Variants in PDE10A observed in about 807,000 individuals in gnomAD.
PDE10A encodes phosphodiesterase 10A, also known as cAMP and cAMP-inhibited cGMP 3',5'-cyclic phosphodiesterase 10A.
PDE10A carries 39 observed loss-of-function variants against 97.7 expected under a neutral mutation model. That is an observed-to-expected ratio of 0.40 (90% CI 0.31 to 0.52). The LOEUF is 0.52. Among genes scored for constraint, PDE10A ranks in the 20% least tolerant of loss-of-function variants. The pLI is 0.56. For missense variants in PDE10A, 731 were observed against 1,047.8 expected (o/e 0.70, Z 4.17); for synonymous variants, 371 against 376.8 (o/e 0.98, Z 0.18).
rs143276157 is a variant in PDE10A, at chr6:165,715,996, C to T, written c.-614-172428G>A. On this transcript the variant is annotated intron_variant, in intron 1 of 19. Coordinates refer to the PDE10A transcript ENST00000366882. ...TTTTTGCCCACGGAAGCCTCCCCTC[C>T]GGCTCCTGCACTAAAGTGCCCCTTA... Among the ~76,000 whole-genome samples the T allele has an allele frequency of 2.5e-3, 383 of 152,270 alleles. 4 individuals are homozygous for T. Among genetic ancestry groups the T allele is most frequent in the Non-Finnish European group, 8.1e-4 (55 of 68,018 alleles).
At chr6:165,628,207 A>G (rs979339422) in intron 1 of PDE10A, among the ~76,000 whole-genome samples, 1 of 152,226 alleles carries the variant, frequency 6.6e-6, no homozygotes, top group African/African-American at 2.4e-5. Flanking sequence ...TTTCTCTGAC[A>G]TGTATTTTCT....
chr6:165,849,120 C>T (rs567033673), intron 1 of PDE10A, among the ~76,000 whole-genome samples: 11 of 152,342 alleles, frequency 7.2e-5, no homozygotes, highest in Non-Finnish European at 1.2e-4. Flanking sequence ...AATTCTAATA[C>T]ATAAATTTTC....
At chr6:165,346,460 TC>T (rs1235563042) in intron 18 of PDE10A, among the ~76,000 whole-genome samples, 2 of 152,176 alleles carry the variant, frequency 1.3e-5, no homozygotes, top group African/African-American at 4.8e-5. Flanking sequence ...TTATCCCAGA[TC>T]AAGTGGAGCA....
Position 165,694,743 on chromosome 6 carries a change from A to T in PDE10A, c.-614-151175T>A, listed in dbSNP as rs138364693. Among the ~76,000 whole-genome samples, 763 of 152,358 alleles carry T rather than the reference A, an allele frequency of 5.0e-3. 11 individuals carry two copies. Among genetic ancestry groups the T allele is most frequent in the African/African-American group, 0.018 (729 of 41,594 alleles). ...CCAGTAGCTTTTGTTTTATTTTTAA[A>T]TTATCTGGGACAGAGGATAGATGAG... On this transcript the variant is annotated intron_variant, in intron 1 of 19. Transcript: ENST00000366882.
Position 165,479,342 on chromosome 6 carries a change from C to T in PDE10A, c.1023+2973G>A, listed in dbSNP as rs78640871. ...CTAGAAGACCTAAATACCCCCAATT[C>T]CATTCCAACCTTATTTCTTACTGGT... On this transcript the variant is annotated intron_variant, in intron 3 of 21. Coordinates refer to ENST00000539869, the MANE Select transcript of PDE10A (RefSeq NM_001385079.1). Among the ~76,000 whole-genome samples the T allele has an allele frequency of 1.1e-3, 164 of 152,244 alleles. 5 individuals are homozygous for T. In the East Asian group the frequency reaches 0.023, roughly 21 times the overall value.
intron 1 of PDE10A, among the ~76,000 whole-genome samples, chr6:165,936,658 G>T (rs563526352): frequency 1.3e-5 from 2 of 152,182 alleles, no homozygotes; most frequent in Non-Finnish European, 2.9e-5. Flanking sequence ...CCTGTGAAAC[G>T]AAAGGAGAGA....
At chr6:165,688,151 T>A (rs1791173524) in intron 1 of PDE10A, among the ~76,000 whole-genome samples, 1 of 152,226 alleles carries the variant, frequency 6.6e-6, no homozygotes, top group Admixed American at 6.5e-5. Flanking sequence ...CAAGGAGTTA[T>A]GTCCACCCTC....
chr6:165,710,948 C>A (rs756437034), intron 1 of PDE10A, among the ~76,000 whole-genome samples: 50 of 152,202 alleles, frequency 3.3e-4, no homozygotes, highest in Non-Finnish European at 8.8e-5. Flanking sequence ...GGCTAAGAGC[C>A]GTAAGAGAAT....
chr6:165,528,526 C>T (rs1471842037), intron 2 of PDE10A, among the ~76,000 whole-genome samples: 1 of 152,142 alleles, frequency 6.6e-6, no homozygotes, highest in Non-Finnish European at 1.5e-5. Flanking sequence ...TTATATTGGG[C>T]CTCTTCCATC....
chr6:165,921,267 G>T (rs780687840), intron 1 of PDE10A, among the ~76,000 whole-genome samples: 1 of 152,210 alleles, frequency 6.6e-6, no homozygotes, highest in Admixed American at 6.5e-5. Flanking sequence ...GGAGGAATGT[G>T]CATCTTAGAT....
At chr6:165,469,042 C>A (rs1778832018) in intron 3 of PDE10A, among the ~76,000 whole-genome samples, 1 of 152,102 alleles carries the variant, frequency 6.6e-6, no homozygotes, top group African/African-American at 2.4e-5. Context: ...TGTTTAGTTC[C>A]CACTTTTAAC....
chr6:165,412,313 A>T (rs1253335258), intron 13 of PDE10A, among the ~76,000 whole-genome samples: 2 of 152,168 alleles, frequency 1.3e-5, no homozygotes, highest in Non-Finnish European at 1.5e-5. Context: ...GTGTTTTTTA[A>T]TATATTATAA....
At chr6:165,747,479 TG>T (rs2128454874) in intron 1 of PDE10A, among the ~76,000 whole-genome samples, 1 of 152,250 alleles carries the variant, frequency 6.6e-6, no homozygotes, top group East Asian at 1.9e-4. Flanking sequence ...ATTTTATAGA[TG>T]AAGAAAATGA....
chr6:165,352,530 A>G (rs1458442412), intron 18 of PDE10A, among the ~76,000 whole-genome samples: 1 of 152,300 alleles, frequency 6.6e-6, no homozygotes, highest in Middle Eastern at 3.4e-3. Context: ...TGATCCATTA[A>G]AAGTATAAAA....
intron 9 of PDE10A, among the ~76,000 whole-genome samples, chr6:165,429,606 C>G (rs767855274): frequency 4.6e-5 from 7 of 151,998 alleles, no homozygotes; most frequent in Non-Finnish European, 7.4e-5. Flanking sequence ...AGAGGAAAAA[C>G]TACATTATTC....
intron 1 of PDE10A, among the ~76,000 whole-genome samples, chr6:165,764,853 G>T (rs1777785385): frequency 6.6e-6 from 1 of 152,190 alleles, no homozygotes; most frequent in African/African-American, 2.4e-5. Flanking sequence ...GGCTCGGGCA[G>T]CCTGCTTTTA....
chr6:165,810,122 G>A (rs1243998429), intron 1 of PDE10A, among the ~76,000 whole-genome samples: 2 of 152,138 alleles, frequency 1.3e-5, no homozygotes, highest in Non-Finnish European at 2.9e-5. Flanking sequence ...GACTTGGCAA[G>A]CCAGGTGGTT....
At chr6:165,867,230 G>GAAAAAAAA (rs35066433) in intron 1 of PDE10A, among the ~76,000 whole-genome samples, 1 of 137,278 alleles carries the variant, frequency 7.3e-6, no homozygotes, top group Non-Finnish European at 1.6e-5. Flanking sequence ...AGACTGAATG[G>GAAAAAAAA]AAAAAAAAAA....
At chr6:165,371,097 T>C (rs1237963034) in intron 18 of PDE10A, among the ~76,000 whole-genome samples, 1 of 149,936 alleles carries the variant, frequency 6.7e-6, no homozygotes, top group Non-Finnish European at 1.5e-5. Flanking sequence ...GAGGGAAATT[T>C]ATAGCACTAA....
Sources: gnomAD v4.1 joint callset for allele counts (sites outside exome capture counted in the v4.1 genomes callset) on GRCh38, gnomAD v4.1.1 for gene constraint, MANE v1.5 for transcripts, NCBI Gene and HGNC (gene_info 2026-07-23, HGNC 2026-07-21) for gene names.